LGR6: variants seen among roughly 807,000 people sequenced by gnomAD.
LGR6 encodes leucine rich repeat containing G protein-coupled receptor 6.
Under a neutral mutation model 69.4 loss-of-function variants are expected in LGR6, and 45 were observed. The ratio of observed to expected loss-of-function variants is 0.65; its 90% CI spans 0.51 to 0.83. The LOEUF is 0.83. Among genes scored for constraint, LGR6 ranks in the 40% least tolerant of loss-of-function variants. LGR6 has a pLI of 0.00. For missense variants in LGR6, 1,108 were observed against 1,246.7 expected (o/e 0.89, Z 1.68); for synonymous variants, 538 against 555.0 (o/e 0.97, Z 0.43).
chr1:202,218,782 G>A (rs1659952746), intron 1 of LGR6, among the ~76,000 whole-genome samples: 1 of 152,302 alleles, frequency 6.6e-6, no homozygotes, highest in East Asian at 1.9e-4. Flanking sequence ...TCTCCTGAGT[G>A]TCTGTTGTAC....
intron 3 of LGR6, among the ~76,000 whole-genome samples, chr1:202,229,604 A>G (rs1349370461): frequency 1.3e-5 from 2 of 152,236 alleles, no homozygotes; most frequent in Admixed American, 6.5e-5. Context: ...TGCATTAGGC[A>G]ATAAATCAAA....
chr1:202,314,929 G>T (rs757686096), intron 17 of LGR6, 47 bp downstream of exon 17: 5 of 1,388,680 alleles, frequency 3.6e-6, no homozygotes, highest in Admixed American at 1.7e-5. Flanking sequence ...TGGAGAAAGG[G>T]CACCCAACCA....
chr1:202,274,875 C>A (rs1345482956), intron 4 of LGR6, among the ~76,000 whole-genome samples: 4 of 152,200 alleles, frequency 2.6e-5, no homozygotes, highest in Non-Finnish European at 5.9e-5. Flanking sequence ...GAAGTCTTTC[C>A]TAACTACAGC....
chr1:202,212,925 C>A (rs534355271), intron 1 of LGR6, among the ~76,000 whole-genome samples: 1 of 152,120 alleles, frequency 6.6e-6, no homozygotes, highest in African/African-American at 2.4e-5. Flanking sequence ...TCTCTCTTGG[C>A]CAGCTCAGGC....
chr1:202,291,796 C>G (rs705757), intron 6 of LGR6, among the ~76,000 whole-genome samples: 68,892 of 152,018 alleles, frequency 0.45, 17,359 homozygotes, highest in East Asian at 0.7. Flanking sequence ...GTTGGCATGG[C>G]AATTAAATGA....
intron 6 of LGR6, among the ~76,000 whole-genome samples, chr1:202,296,054 C>G (rs1037596477): frequency 6.6e-6 from 1 of 152,110 alleles, no homozygotes; most frequent in Non-Finnish European, 1.5e-5. Context: ...TCCATGTTAA[C>G]ATGGTATTTA....
chr1:202,222,461 G>A (rs1009262620), intron 1 of LGR6, among the ~76,000 whole-genome samples: 4 of 152,164 alleles, frequency 2.6e-5, no homozygotes, highest in African/African-American at 9.7e-5. Flanking sequence ...TCTGCGGCCC[G>A]GCCCCTGGGG....
At chr1:202,235,159 G>A (rs764205610) in intron 3 of LGR6, among the ~76,000 whole-genome samples, 35 of 152,126 alleles carry the variant, frequency 2.3e-4, no homozygotes, top group African/African-American at 7.7e-4. Context: ...CTGGAGTGGC[G>A]CCCCAGGCCC....
intron 1 of LGR6, among the ~76,000 whole-genome samples, chr1:202,205,825 AC>A (rs527738037): frequency 0.016 from 1,960 of 125,026 alleles, 19 homozygotes; most frequent in Non-Finnish European, 0.023. Flanking sequence ...ATACACACAC[AC>A]CCCAACACAC....
intron 1 of LGR6, among the ~76,000 whole-genome samples, chr1:202,204,486 C>T (rs1220646618): frequency 3.2e-5 from 2 of 61,582 alleles, no homozygotes; most frequent in East Asian, 5.8e-4. Flanking sequence ...TCCAAACACA[C>T]CTCCACACAC....
chr1:202,305,078 T>G (rs1393839715), intron 11 of LGR6, among the ~76,000 whole-genome samples: 1 of 152,168 alleles, frequency 6.6e-6, no homozygotes, highest in African/African-American at 2.4e-5. Context: ...AGGCTCCTCA[T>G]CAGGGACCAT....
intron 6 of LGR6, among the ~76,000 whole-genome samples, chr1:202,284,244 C>G (rs1481803036): frequency 6.6e-6 from 1 of 152,136 alleles, no homozygotes; most frequent in Non-Finnish European, 1.5e-5. Flanking sequence ...CAGACTTTGC[C>G]AAGAAACCTC....
intron 14 of LGR6, among the ~76,000 whole-genome samples, chr1:202,308,006 A>C (rs1234884344): frequency 2.0e-5 from 3 of 152,054 alleles, no homozygotes; most frequent in Non-Finnish European, 4.4e-5. Context: ...ACATCCTGCC[A>C]CCTCCTTGCC....
chr1:202,242,463 A>T (rs1478345704), intron 4 of LGR6, among the ~76,000 whole-genome samples: 1 of 152,148 alleles, frequency 6.6e-6, no homozygotes, highest in Non-Finnish European at 1.5e-5. Context: ...CTAAAATGAG[A>T]GAGTCCAGTG....
chr1:202,243,125 T>G (rs1244488385), intron 4 of LGR6, among the ~76,000 whole-genome samples: 3 of 152,166 alleles, frequency 2.0e-5, no homozygotes, highest in Admixed American at 6.5e-5. Context: ...AGAGCAATTC[T>G]GAGAGGGCTG....
chr1:202,293,608 A>G lies in LGR6; in HGVS notation c.717-3900A>G, dbSNP rs962318226. Among the ~76,000 whole-genome samples the G allele has an allele frequency of 1.1e-4, 17 of 152,166 alleles. 1 individual carries two copies. Among genetic ancestry groups the G allele is most frequent in the African/African-American group, 3.9e-4 (16 of 41,438 alleles). On this transcript the variant is annotated intron_variant, in intron 6 of 17. Coordinates refer to ENST00000367278, the MANE Select transcript of LGR6 (RefSeq NM_001017403.2). ...TTCATTGCACTGAGTTGAATCCATC[A>G]GGAGCGGAGAGAGTTGCAAAGACAT... is the stretch of plus-strand genomic sequence containing the variant.
chr1:202,276,607 G>A (rs1326798636), intron 5 of LGR6, 86 bp downstream of exon 5: 2 of 1,132,606 alleles, frequency 1.8e-6, no homozygotes, highest in East Asian at 5.2e-5. Flanking sequence ...TTGGAGCCTG[G>A]CTAGCTTTGC....
intron 7 of LGR6, 42 bp from the exon 8 acceptor site, chr1:202,300,807 C>T: frequency 3.4e-6 from 5 of 1,481,664 alleles, no homozygotes; most frequent in Non-Finnish European, 4.7e-6. Context: ...CCTCTCTATA[C>T]CTTTCTCCAA....
intron 1 of LGR6, among the ~76,000 whole-genome samples, chr1:202,203,034 ACT>A (rs142511692): frequency 0.013 from 2,028 of 151,968 alleles, 39 homozygotes; most frequent in African/African-American, 0.043. Context: ...GTGCGGAGTC[ACT>A]CTCTCCATGT....
Sources: gnomAD v4.1 joint callset for allele counts (sites outside exome capture counted in the v4.1 genomes callset) on GRCh38, gnomAD v4.1.1 for gene constraint, MANE v1.5 for transcripts, NCBI Gene and HGNC (gene_info 2026-07-23, HGNC 2026-07-21) for gene names.